AGRN: variants seen among roughly 807,000 people sequenced by gnomAD.
AGRN encodes the protein agrin, also known as agrin proteoglycan.
AGRN carries 106 observed loss-of-function variants against 211.0 expected under a neutral mutation model. That is an observed-to-expected ratio of 0.50 (90% confidence interval 0.43 to 0.59). AGRN has a LOEUF of 0.59. AGRN is among the 20% of genes least tolerant of loss of function. The pLI, the probability that AGRN is intolerant of heterozygous loss-of-function variation, is 0.00. For missense variants in AGRN, 3,040 were observed against 2,982.6 expected, an observed-to-expected ratio of 1.02 and a Z score of -0.45; for synonymous variants, 1,525 against 1,332.5, an observed-to-expected ratio of 1.14 and a Z score of -3.15.
At chr1:1,040,523 C>T in intron 3 of AGRN, 142 bp from the exon 4 acceptor site, 1 of 1,000,152 alleles carries the variant, frequency 1.0e-6, no homozygotes, top group Non-Finnish European at 1.5e-6. Context: ...CGCACGCACG[C>T]GTGTCCGTGT....
In AGRN at chr1:1,041,387, C is replaced by T. The variant is rs1257343645; in HGVS notation, c.942C>T (p.Asp314=). Reference sequence around the variant, plus strand: ...AGGAGAATGTCTTCAAGAAGTTCGACGGCCCTTGTGGTGAGCGCGGCGGCG... The same window carrying T: ...AGGAGAATGTCTTCAAGAAGTTCGATGGCCCTTGTGGTGAGCGCGGCGGCG... ...ARQENVFKKF[D]GPCDPCQGAL... is the part of the protein sequence containing the mutation. Residue 314 remains aspartate (D), a synonymous_variant, in exon 5 of 36, where the codon GAC becomes GAT. Coordinates refer to ENST00000379370, the MANE Select transcript of AGRN (RefSeq NM_198576.4). 26 of 1,542,052 alleles carry T rather than the reference C, an allele frequency of 1.7e-5. No homozygotes were observed. Among genetic ancestry groups the T allele is most frequent in the Non-Finnish European group, 2.2e-5 (25 of 1,150,770 alleles).
At chr1:1,036,366 GT>G (rs1261433281) in intron 3 of AGRN, among the ~76,000 whole-genome samples, 1 of 152,128 alleles carries the variant, frequency 6.6e-6, no homozygotes, top group Non-Finnish European at 1.5e-5. Context: ...ATAGGGTGGG[GT>G]CTTCCCTCGG....
intron 3 of AGRN, among the ~76,000 whole-genome samples, chr1:1,037,972 T>G (rs1240506863): frequency 1.3e-5 from 2 of 151,982 alleles, no homozygotes; most frequent in Non-Finnish European, 2.9e-5. Context: ...AGCACAGTGG[T>G]GGGAGCGGCC....
chr1:1,034,447 C>A, intron 2 of AGRN: 1 of 985,720 alleles, frequency 1.0e-6, no homozygotes, highest in East Asian at 1.1e-4. Flanking sequence ...CTGCTGTCCG[C>A]CGCCCCAGGG....
At chr1:1,053,609 A>G in intron 33 of AGRN, 144 bp from the exon 34 acceptor site, 2 of 1,487,316 alleles carry the variant, frequency 1.3e-6, no homozygotes, top group South Asian at 1.2e-5. Context: ...TCTCCCTCCC[A>G]CTGTCGGTGT....
At position 1,048,094 on chromosome 1, in the gene AGRN, C is replaced by T. The variant is rs768567036; in HGVS notation, c.3834C>T (p.Arg1278=). The T allele has an allele frequency of 8.3e-6, 13 of 1,572,562 alleles. No individual in the cohort carries two copies. The highest frequency in any genetic ancestry group is 8.6e-6 in the Non-Finnish European group (10 of 1,166,876). ...GATARATTAS[R]LPSSAVTPRA... ...CGGCCAGAGCCACCACTGCATCGCG[C>T]CTGCCGTCCTCTGCTGTGACCCCTC... Residue 1278 remains arginine (R), a synonymous_variant, in exon 23 of 36, where the codon CGC becomes CGT. Coordinates refer to ENST00000379370, the MANE Select transcript of AGRN (RefSeq NM_198576.4). This position sits in a 1 kb window ranked among gnomAD's most constrained non-coding sequence, Gnocchi z 5.9.
intron 2 of AGRN, among the ~76,000 whole-genome samples, chr1:1,029,371 G>A (rs1644595825): frequency 6.8e-6 from 1 of 148,044 alleles, no homozygotes; most frequent in Non-Finnish European, 1.5e-5. Flanking sequence ...CAATATCTAT[G>A]CAGGCAGGTG....
At position 1,032,517 on chromosome 1, in the gene AGRN, C is replaced by T. The variant is rs1490255142; in HGVS notation, c.464-2760C>T. ...GGGGCCCAGACACCCGGCTGGGGGACTCCAGGAAGGCAGCAGGTGTGGGCA... is the reference window on the plus strand; with the variant it reads ...GGGGCCCAGACACCCGGCTGGGGGATTCCAGGAAGGCAGCAGGTGTGGGCA... On this transcript the variant is annotated intron_variant, in intron 2 of 35. Transcript: ENST00000379370. The surrounding 1 kb of genome is among the most constrained non-coding windows in gnomAD (Gnocchi z 4.7). 6.6e-6 allele frequency among the ~76,000 whole-genome samples: 1 copy of T among 152,080 alleles called. No homozygotes were observed. The highest frequency in any genetic ancestry group is 1.5e-5 in the Non-Finnish European group (1 of 67,994).
In AGRN at chr1:1,041,186, C is replaced by G. The variant is rs1401707372; in HGVS notation, c.741C>G (p.Pro247=). Residue 247 remains proline, a synonymous_variant, in exon 5 of 36, where the codon CCC becomes CCG. Coordinates refer to ENST00000379370, the MANE Select transcript of AGRN (RefSeq NM_198576.4). ...CCCCGCCCGCAGGCTCGCGGGACCC[C>G]TGCTCCAACGTGACCTGCAGCTTCG... The part of the protein sequence containing the change: ...LSRGPCGSRD[P]CSNVTCSFGS... 1.4e-6 allele frequency: 2 copies of G among 1,443,408 alleles called. No individual in the cohort carries two copies. Among genetic ancestry groups the G allele is most frequent in the South Asian group, 1.3e-5 (1 of 74,972 alleles). 89.4% of individuals were successfully genotyped at this position (1,443,408 alleles called of 1,614,324 possible). A position where few individuals can be genotyped will look rare whatever the true frequency, so the allele number is the denominator to read the frequency against.
At chr1:1,038,623 C>T (rs1644855907) in intron 3 of AGRN, among the ~76,000 whole-genome samples, 1 of 152,186 alleles carries the variant, frequency 6.6e-6, no homozygotes, top group African/African-American at 2.4e-5. Context: ...TGGGAGAGGT[C>T]TGGCTGAGCC....
In AGRN at chr1:1,049,602, G is replaced by A. The variant is rs759764326; in HGVS notation, c.4551G>A (p.Arg1517=). The change falls in exon 26 of 36, where the codon AGG becomes AGA. Residue 1517 remains arginine (R), a synonymous_variant. Transcript: ENST00000379370. Reference sequence around the variant, plus strand: ...GGACCTTCGTGGGCGCCGGCCTGAGGGGGTGCATCCGTTTGCTGGACGTCA... The same window carrying A: ...GGACCTTCGTGGGCGCCGGCCTGAGAGGGTGCATCCGTTTGCTGGACGTCA... ...LERTFVGAGL[R]GCIRLLDVNN... The A allele has an allele frequency of 7.5e-6, 12 of 1,592,158 alleles. No homozygotes were observed. Among genetic ancestry groups the A allele is most frequent in the Non-Finnish European group, 7.7e-6 (9 of 1,170,510 alleles).
intron 17 of AGRN, 21 bp from the exon 18 acceptor site, chr1:1,046,376 C>T (rs1307675782): frequency 6.2e-6 from 10 of 1,608,338 alleles, no homozygotes; most frequent in Non-Finnish European, 8.5e-6. Flanking sequence ...GGTCCCCCCG[C>T]CAACCTCCCT....
At chr1:1,035,460 G>A in intron 3 of AGRN, 136 bp downstream of exon 3, 3 of 1,206,078 alleles carry the variant, frequency 2.5e-6, no homozygotes, top group East Asian at 2.3e-5. Flanking sequence ...ACCTGCGTCT[G>A]TCCTGGGAGT....
chr1:1,046,428 T>G lies in AGRN; in HGVS notation c.2943T>G (p.Ser981=), dbSNP rs1645095961. 6.2e-7 allele frequency: 1 copy of G among 1,612,244 alleles called. No individual in the cohort carries two copies. Among genetic ancestry groups the G allele is most frequent in the African/African-American group, 1.3e-5 (1 of 74,832 alleles). The change falls in exon 18 of 36, where the codon TCT becomes TCG. Residue 981 remains serine (S), a synonymous_variant. Transcript: ENST00000379370. ...EAVAPSTHPT[S]ASVTVTTPGL... ...TTGCTCCCAGCACTCACCCGACATC[T>G]GCCTCCGTGACTGTGACCACCCCAG...
At chr1:1,037,773 T>C (rs891743880) in intron 3 of AGRN, among the ~76,000 whole-genome samples, 3 of 152,192 alleles carry the variant, frequency 2.0e-5, no homozygotes, top group Admixed American at 2.0e-4. Context: ...AGTGCTGGCA[T>C]TTCTAGCAGT....
chr1:1,047,971 C>G lies in AGRN; in HGVS notation c.3752-41C>G, dbSNP rs539161973. 2.1e-4 allele frequency: 332 copies of G among 1,571,132 alleles called. 1 individual carries two copies. In the Admixed American group the frequency reaches 6.1e-3, roughly 29 times the overall value. On this transcript the variant is annotated intron_variant, in intron 22 of 35. Coordinates refer to ENST00000379370, the MANE Select transcript of AGRN (RefSeq NM_198576.4). ...GCCCCTGCCCCTCACCCCTTCCTGG[C>G]CCTGCTCCCAGGAAACCCTAACAGC... is the stretch of plus-strand genomic sequence containing the variant.
In AGRN at chr1:1,042,093, G is replaced by A. The variant is rs758713569; in HGVS notation, c.1315G>A (p.Asp439Asn). Residue 439 changes from aspartate to asparagine, a missense_variant, in exon 7 of 36, where the codon GAT becomes AAT. By Grantham distance (23) the Asp-to-Asn change is conservative. Around this residue, in one of 3 missense-constraint regions of AGRN, gnomAD observed 1,498 missense variants for 1,457.8 expected, o/e 1.03. Coordinates refer to ENST00000379370, the MANE Select transcript of AGRN (RefSeq NM_198576.4). ...CCAGGACGGGCGCACGTATGACAGTGATTGCTGGCGGCAGCAGGCTGAGTG... is the reference window on the plus strand; with the variant it reads ...CCAGGACGGGCGCACGTATGACAGTAATTGCTGGCGGCAGCAGGCTGAGTG... Reference protein sequence around the residue: ...CAQDGRTYDSDCWRQQAECRQ... With the variant: ...CAQDGRTYDSNCWRQQAECRQ... 38 of 1,603,954 alleles carry A rather than the reference G, an allele frequency of 2.4e-5. No homozygotes were observed. In the Middle Eastern group the frequency reaches 4.9e-4, roughly 21 times the overall value.
intron 2 of AGRN, chr1:1,035,001 A>C: frequency 4.9e-5 from 27 of 546,424 alleles, no homozygotes; most frequent in Middle Eastern, 5.0e-4. Context: ...CTTCCAGGGA[A>C]GGGGGTCCTG....
At chr1:1,044,044 G>T in intron 10 of AGRN, 21 bp downstream of exon 10, 1 of 1,611,770 alleles carries the variant, frequency 6.2e-7, no homozygotes. Flanking sequence ...GGACGCTGGC[G>T]AAAACTGCTG....
Sources: allele counts gnomAD v4.1 joint callset (sites outside exome capture counted in the v4.1 genomes callset), GRCh38; gene constraint gnomAD v4.1.1; regional missense constraint gnomAD v4.1.1; non-coding constraint Gnocchi (gnomAD v3.1); transcripts MANE v1.5; gene names NCBI Gene and HGNC (gene_info 2026-07-23, HGNC 2026-07-21).